Variants in ASIC2 observed in about 807,000 individuals in gnomAD.
ASIC2 encodes acid sensing ion channel subunit 2.
ASIC2 carries 25 observed loss-of-function variants against 57.3 expected under a neutral mutation model. That is an observed-to-expected ratio of 0.44 (90% CI 0.32 to 0.61). The LOEUF is 0.61. Among genes scored for constraint, ASIC2 ranks in the 20% least tolerant of loss-of-function variants. The probability of loss-of-function intolerance (pLI) is 0.06; values close to 1 mark genes in which losing one functional copy is unlikely to be tolerated. For missense variants in ASIC2, 641 were observed against 738.1 expected, an observed-to-expected ratio of 0.87 and a Z score of 1.52; for synonymous variants, 319 against 307.5, an observed-to-expected ratio of 1.04 and a Z score of -0.39.
intron 3 of ASIC2, among the ~76,000 whole-genome samples, chr17:33,045,368 G>T (rs1359980795): frequency 6.6e-6 from 1 of 152,194 alleles, no homozygotes; most frequent in Non-Finnish European, 1.5e-5. Flanking sequence ...AATTTCTTGG[G>T]CGAGTGCTGT....
intron 1 of ASIC2, among the ~76,000 whole-genome samples, chr17:33,281,551 G>C (rs1904950595): frequency 6.6e-6 from 1 of 152,052 alleles, no homozygotes; most frequent in South Asian, 2.1e-4. Context: ...TTTAAGTTTT[G>C]AAACAGCCCT....
intron 1 of ASIC2, among the ~76,000 whole-genome samples, chr17:33,892,927 G>T (rs1379875955): frequency 1.3e-5 from 2 of 152,074 alleles, no homozygotes; most frequent in African/African-American, 4.8e-5. Flanking sequence ...CTCCCTCCTT[G>T]CTCCAAAGAG....
chr17:34,121,334 A>G (rs1225039069), intron 1 of ASIC2, among the ~76,000 whole-genome samples: 1 of 152,104 alleles, frequency 6.6e-6, no homozygotes, highest in Non-Finnish European at 1.5e-5. Context: ...GAATGCACCC[A>G]CTATCCTTCC....
At chr17:33,500,607 C>T (rs1462240963) in intron 1 of ASIC2, among the ~76,000 whole-genome samples, 2 of 152,310 alleles carry the variant, frequency 1.3e-5, no homozygotes, top group South Asian at 2.1e-4. Context: ...TCCCCAGTTA[C>T]GTAGCTTGAC....
chr17:33,311,904 A>T (rs1317872941), intron 1 of ASIC2, among the ~76,000 whole-genome samples: 1 of 152,182 alleles, frequency 6.6e-6, no homozygotes, highest in Non-Finnish European at 1.5e-5. Context: ...CTCCACCATC[A>T]GCAAATGGCT....
At chr17:33,999,603 G>A (rs545102160) in intron 1 of ASIC2, among the ~76,000 whole-genome samples, 1 of 152,206 alleles carries the variant, frequency 6.6e-6, no homozygotes, top group Non-Finnish European at 1.5e-5. Context: ...TGTATTTTAA[G>A]CTGATAACAA....
chr17:33,955,984 T>C (rs1473454306), intron 1 of ASIC2, among the ~76,000 whole-genome samples: 1 of 152,158 alleles, frequency 6.6e-6, no homozygotes, highest in African/African-American at 2.4e-5. Flanking sequence ...GGCCATTGAC[T>C]GATAGACAAG....
intron 1 of ASIC2, among the ~76,000 whole-genome samples, chr17:33,611,154 C>T (rs1244716347): frequency 6.6e-6 from 1 of 152,148 alleles, no homozygotes; most frequent in Non-Finnish European, 1.5e-5. Context: ...AACTAGCCCT[C>T]CTGGTGCTGC....
chr17:33,735,703 C>T lies in ASIC2; in HGVS notation c.555+420275G>A, dbSNP rs76915758. The stretch of plus-strand genomic sequence containing the variant: ...ATCCCTTTCACAAAGTCCTCAACAG[C>T]GGCTACCCACCTCCATTGAGCACTC... On this transcript the variant is annotated intron_variant, in intron 1 of 9. Transcript: ENST00000359872. 5.7e-3 allele frequency among the ~76,000 whole-genome samples: 863 copies of T among 152,172 alleles called. 5 individuals are homozygous for T. Among genetic ancestry groups the T allele is most frequent in the Admixed American group, 0.01 (157 of 15,294 alleles).
chr17:34,078,728 A>C (rs1909764958), intron 1 of ASIC2, among the ~76,000 whole-genome samples: 1 of 152,118 alleles, frequency 6.6e-6, no homozygotes, highest in African/African-American at 2.4e-5. Context: ...TCCTGAAAGG[A>C]AGATTTCCCA....
At chr17:33,691,316 G>A (rs12942172) in intron 1 of ASIC2, among the ~76,000 whole-genome samples, 16,045 of 152,188 alleles carry the variant, frequency 0.11, 966 homozygotes, top group East Asian at 0.17. Flanking sequence ...GCCCCACATA[G>A]AGGTTGTACC....
At chr17:34,063,832 C>T (rs1460516618) in intron 1 of ASIC2, among the ~76,000 whole-genome samples, 2 of 152,050 alleles carry the variant, frequency 1.3e-5, no homozygotes, top group East Asian at 3.9e-4. Context: ...GTCGAAAGAC[C>T]TCTAGAAGGA....
intron 1 of ASIC2, among the ~76,000 whole-genome samples, chr17:33,579,374 C>T (rs1004268866): frequency 6.6e-6 from 1 of 151,044 alleles, no homozygotes; most frequent in African/African-American, 2.4e-5. Flanking sequence ...TGTTTACAAA[C>T]CTCTAACACT....
chr17:33,418,509 G>A (rs894495230), intron 1 of ASIC2, among the ~76,000 whole-genome samples: 5 of 152,074 alleles, frequency 3.3e-5, no homozygotes, highest in Admixed American at 6.5e-5. Flanking sequence ...TAGGTCTTAC[G>A]TTTAAGTCTT....
intron 1 of ASIC2, among the ~76,000 whole-genome samples, chr17:33,578,310 C>T (rs1916707309): frequency 6.6e-6 from 1 of 152,138 alleles, no homozygotes; most frequent in Non-Finnish European, 1.5e-5. Flanking sequence ...TTAGAAGTTT[C>T]TAATCCTGGT....
rs539294475 is a variant in ASIC2, at chr17:33,223,244, G to A, written c.708+68164C>T. Among the ~76,000 whole-genome samples the A allele has an allele frequency of 2.4e-3, 362 of 151,660 alleles. 1 individual carries two copies. The highest frequency in any genetic ancestry group is 4.1e-3 in the Admixed American group (63 of 15,240). ...TGTCACTAGGCTGGAGTACAGTGGC[G>A]TGATCTCGGCTCACTGCAACCTCCG... On this transcript the variant is annotated intron_variant, in intron 1 of 9. Coordinates refer to ENST00000225823, the MANE Select transcript of ASIC2 (RefSeq NM_183377.2).
intron 1 of ASIC2, among the ~76,000 whole-genome samples, chr17:34,083,986 G>A (rs189539531): frequency 3.3e-5 from 5 of 152,200 alleles, no homozygotes; most frequent in South Asian, 2.1e-4. Context: ...TGTTCACTCC[G>A]ATGGTAGTTT....
intron 1 of ASIC2, among the ~76,000 whole-genome samples, chr17:34,117,426 GAAC>G (rs1275649024): frequency 2.0e-5 from 3 of 152,184 alleles, no homozygotes; most frequent in African/African-American, 4.8e-5. Flanking sequence ...TGAAATGGAA[GAAC>G]AACATTTGAA....
At position 33,111,651 on chromosome 17, in the gene ASIC2, ACCTTCCCCCATGCCTT is replaced by A. The variant is rs140191994; in HGVS notation, c.859+250_859+265del. 1.9e-3 allele frequency among the ~76,000 whole-genome samples: 291 copies of A among 152,020 alleles called. 1 individual carries two copies. Among genetic ancestry groups the A allele is most frequent in the Non-Finnish European group, 2.9e-3 (197 of 67,944 alleles). The stretch of plus-strand genomic sequence containing the variant: ...TGACCAACCACACCTGTTACTTCAA[ACCTTCCCCCATGCCTT>A]CCTTCCCCCTACCTACCTTACCTCT... On this transcript the variant is annotated intron_variant, in intron 2 of 9. Coordinates refer to ENST00000225823, the MANE Select transcript of ASIC2 (RefSeq NM_183377.2).
Sources: allele counts gnomAD v4.1 joint callset (sites outside exome capture counted in the v4.1 genomes callset), GRCh38; gene constraint gnomAD v4.1.1; transcripts MANE v1.5; gene names NCBI Gene and HGNC (gene_info 2026-07-23, HGNC 2026-07-21).